The following OLFM3 variants were observed in gnomAD, a reference collection of about 807,000 sequenced individuals.
OLFM3 encodes olfactomedin 3.
OLFM3 carries 20 observed loss-of-function variants against 48.6 expected under a neutral mutation model. The ratio of observed to expected loss-of-function variants is 0.41; its 90% CI spans 0.29 to 0.60. OLFM3 has a LOEUF of 0.60. Ranked by LOEUF, OLFM3 falls within the 20% of genes least tolerant of loss-of-function variation. The pLI, the probability that OLFM3 is intolerant of heterozygous loss-of-function variation, is 0.28. For missense variants in OLFM3, 437 were observed against 544.3 expected, an observed-to-expected ratio of 0.80 and a Z score of 1.96; for synonymous variants, 222 against 198.1, an observed-to-expected ratio of 1.12 and a Z score of -1.01.
intron 1 of OLFM3, among the ~76,000 whole-genome samples, chr1:101,904,377 T>A (rs1658488365): frequency 6.6e-6 from 1 of 152,056 alleles, no homozygotes; most frequent in African/African-American, 2.4e-5. Context: ...TTTGTAACAT[T>A]TAGTAGGGTG....
At chr1:101,886,795 A>T (rs988701664) in intron 1 of OLFM3, among the ~76,000 whole-genome samples, 2 of 152,070 alleles carry the variant, frequency 1.3e-5, no homozygotes, top group Non-Finnish European at 2.9e-5. Flanking sequence ...TTATTGGAAC[A>T]CACTCCTTTA....
chr1:101,915,300 C>T (rs1176217671), intron 1 of OLFM3, among the ~76,000 whole-genome samples: 1 of 151,874 alleles, frequency 6.6e-6, no homozygotes. Flanking sequence ...ATAATATACA[C>T]TTCTGCTTTT....
chr1:101,848,508 A>T (rs1570559489), intron 1 of OLFM3, among the ~76,000 whole-genome samples: 1 of 148,762 alleles, frequency 6.7e-6, no homozygotes. Context: ...AATCCAGGCC[A>T]TTTTTTTTTT....
At chr1:101,814,981 T>C (rs1467043350) in intron 4 of OLFM3, among the ~76,000 whole-genome samples, 4 of 152,172 alleles carry the variant, frequency 2.6e-5, no homozygotes, top group Non-Finnish European at 5.9e-5. Flanking sequence ...AAGACGAGAT[T>C]GGAGAGATGA....
chr1:101,994,373 A>G (rs1002538911), intron 1 of OLFM3, among the ~76,000 whole-genome samples: 1 of 150,910 alleles, frequency 6.6e-6, no homozygotes. Flanking sequence ...ATTTGTCCAA[A>G]AACTGTATTT....
chr1:101,821,385 A>G (rs1263056395), intron 4 of OLFM3, among the ~76,000 whole-genome samples: 1 of 152,020 alleles, frequency 6.6e-6, no homozygotes, highest in African/African-American at 2.4e-5. Context: ...ACTACCACAC[A>G]TCTTCTTTCA....
intron 1 of OLFM3, among the ~76,000 whole-genome samples, chr1:101,858,724 A>G (rs186980535): frequency 3.3e-4 from 50 of 152,130 alleles, no homozygotes; most frequent in Non-Finnish European, 5.4e-4. Context: ...TGTGCCAGCC[A>G]TGTAAGATGT....
Position 101,806,056 on chromosome 1 carries a change from T to C in OLFM3, c.699+20A>G, listed in dbSNP as rs1343435499. The stretch of plus-strand genomic sequence containing the variant: ...AGCAGAACTTAATTCTAAGCAAAGG[T>C]GTTTGTGGGAGAAACATACTCTGTT... On this transcript the variant is annotated intron_variant, in intron 5 of 5. Transcript: ENST00000370103. 6.5e-7 allele frequency: 1 copy of C among 1,547,188 alleles called. No individual in the cohort carries two copies. The highest frequency in any genetic ancestry group is 1.7e-5 in the Admixed American group (1 of 59,660).
chr1:101,911,520 G>A (rs1329966770), intron 1 of OLFM3, among the ~76,000 whole-genome samples: 2 of 152,100 alleles, frequency 1.3e-5, no homozygotes, highest in East Asian at 3.8e-4. Context: ...CTCTAATACA[G>A]TGGAGGAAAA....
intron 3 of OLFM3, among the ~76,000 whole-genome samples, chr1:101,829,959 C>T (rs554432466): frequency 7.2e-5 from 11 of 151,954 alleles, no homozygotes; most frequent in Non-Finnish European, 1.5e-4. Context: ...CTCAGCCTCC[C>T]GAGTAGCTGG....
chr1:101,932,085 AT>A (rs564064502), intron 1 of OLFM3, among the ~76,000 whole-genome samples: 11 of 151,972 alleles, frequency 7.2e-5, no homozygotes, highest in African/African-American at 1.7e-4. Flanking sequence ...GTAGAGTGTG[AT>A]TTTTTCCCCC....
At chr1:101,837,596 A>AG (rs1421085326) in intron 1 of OLFM3, 1 of 151,814 alleles carries the variant, frequency 6.6e-6, no homozygotes, top group African/African-American at 2.4e-5. Context: ...TAGAGGACTT[A>AG]GAGTTTTTGG....
chr1:101,929,107 T>G (rs1463967853), intron 1 of OLFM3, among the ~76,000 whole-genome samples: 2 of 152,154 alleles, frequency 1.3e-5, no homozygotes, highest in Non-Finnish European at 2.9e-5. Context: ...TAAATGGGAC[T>G]GAACTCATTA....
At chr1:101,909,170 G>C (rs1658660610) in intron 1 of OLFM3, among the ~76,000 whole-genome samples, 1 of 152,194 alleles carries the variant, frequency 6.6e-6, no homozygotes, top group African/African-American at 2.4e-5. Flanking sequence ...ACATCTCTGA[G>C]AAACCACTCA....
At chr1:101,872,446 A>G (rs2100978051) in intron 1 of OLFM3, among the ~76,000 whole-genome samples, 1 of 152,204 alleles carries the variant, frequency 6.6e-6, no homozygotes, top group Non-Finnish European at 1.5e-5. Context: ...AAATTAAGAG[A>G]TGAGTGGAAG....
At chr1:101,935,268 C>T (rs1386562821) in intron 1 of OLFM3, among the ~76,000 whole-genome samples, 2 of 148,148 alleles carry the variant, frequency 1.3e-5, no homozygotes, top group African/African-American at 5.1e-5. Flanking sequence ...GAAATAAATG[C>T]AAGGAGAAAT....
At chr1:101,984,143 G>A (rs1361991151) in intron 1 of OLFM3, among the ~76,000 whole-genome samples, 5 of 151,314 alleles carry the variant, frequency 3.3e-5, no homozygotes, top group African/African-American at 1.2e-4. Context: ...GGGAGGCTGA[G>A]GCCCAGAATC....
intron 1 of OLFM3, among the ~76,000 whole-genome samples, chr1:101,857,541 T>TGAA (rs749492835): frequency 7.9e-5 from 12 of 151,854 alleles, no homozygotes; most frequent in Non-Finnish European, 1.3e-4. Context: ...TTTACCATAC[T>TGAA]GAAAATGGAT....
intron 1 of OLFM3, among the ~76,000 whole-genome samples, chr1:101,947,949 G>C (rs1350415067): frequency 6.6e-6 from 1 of 152,186 alleles, no homozygotes; most frequent in Non-Finnish European, 1.5e-5. Context: ...TTTAGTGAAA[G>C]GGAAGGTGGT....
Sources: gnomAD v4.1 joint callset for allele counts (sites outside exome capture counted in the v4.1 genomes callset) on GRCh38, gnomAD v4.1.1 for gene constraint, MANE v1.5 for transcripts, NCBI Gene and HGNC (gene_info 2026-07-23, HGNC 2026-07-21) for gene names.